ZNF341: variants seen among roughly 807,000 people sequenced by gnomAD.
ZNF341 encodes the protein zinc finger protein 341.
In ZNF341, 52 loss-of-function variants were observed where a neutral mutation model predicts 87.7. That is an observed-to-expected ratio of 0.59 (90% CI 0.47 to 0.75). ZNF341 has a LOEUF of 0.75. ZNF341 is among the 30% of genes least tolerant of loss of function. ZNF341 has a pLI of 0.00. For missense variants in ZNF341, 977 were observed against 1,145.9 expected, an observed-to-expected ratio of 0.85 and a Z score of 2.13; for synonymous variants, 459 against 472.7, an observed-to-expected ratio of 0.97 and a Z score of 0.38.
chr20:33,744,697 T>C (rs2018878899), intron 2 of ZNF341, among the ~76,000 whole-genome samples: 1 of 151,878 alleles, frequency 6.6e-6, no homozygotes, highest in African/African-American at 2.4e-5. Context: ...GTTCAAGCAA[T>C]TCTCCTGCCT....
At chr20:33,735,624 T>C (rs1009746120) in intron 1 of ZNF341, among the ~76,000 whole-genome samples, 3 of 152,222 alleles carry the variant, frequency 2.0e-5, no homozygotes, top group Admixed American at 6.5e-5. Flanking sequence ...ACCCTGCATT[T>C]GTTTAAATTT....
chr20:33,740,084 G>A (rs1010694352), intron 1 of ZNF341, among the ~76,000 whole-genome samples: 1 of 152,140 alleles, frequency 6.6e-6, no homozygotes, highest in Non-Finnish European at 1.5e-5. Context: ...GGATGGTCTC[G>A]AACTCCTGAC....
chr20:33,762,671 G>T (rs1601259772), intron 8 of ZNF341, among the ~76,000 whole-genome samples: 1 of 151,994 alleles, frequency 6.6e-6, no homozygotes, highest in African/African-American at 2.4e-5. Context: ...TTGTCCTAAG[G>T]CTCTCTCTCC....
intron 1 of ZNF341, among the ~76,000 whole-genome samples, chr20:33,738,876 C>T (rs760134915): frequency 6.6e-5 from 10 of 152,162 alleles, no homozygotes; most frequent in South Asian, 2.1e-4. Flanking sequence ...GGGAGGGCTG[C>T]GCTGGCAGCG....
At chr20:33,759,604 T>G (rs1485710272) in intron 7 of ZNF341, among the ~76,000 whole-genome samples, 1 of 152,104 alleles carries the variant, frequency 6.6e-6, no homozygotes, top group Non-Finnish European at 1.5e-5. Context: ...TTTTTGGTGG[T>G]TCATGAATAT....
chr20:33,758,952 G>T, intron 7 of ZNF341, 146 bp downstream of exon 7: 1 of 678,620 alleles, frequency 1.5e-6, no homozygotes. Context: ...AGGTCGGGTG[G>T]TTTTCCCTCT....
At chr20:33,745,329 C>T in intron 3 of ZNF341, 30 bp downstream of exon 3, 2 of 1,597,298 alleles carry the variant, frequency 1.3e-6, no homozygotes, top group Non-Finnish European at 1.7e-6. Context: ...TTCAACATGT[C>T]TTTTTTGAGG....
At chr20:33,786,762 G>GT in intron 12 of ZNF341, among the ~76,000 whole-genome samples, 1 of 151,472 alleles carries the variant, frequency 6.6e-6, no homozygotes, top group South Asian at 2.1e-4. Context: ...TAGGTCAAGA[G>GT]TTTGAGACCA....
chr20:33,758,708 T>C lies in ZNF341; in HGVS notation c.938-8T>C. 6.2e-7 allele frequency: 1 copy of C among 1,612,316 alleles called. No individual in the cohort carries two copies. The highest frequency in any genetic ancestry group is 8.5e-7 in the Non-Finnish European group (1 of 1,179,118). ...CCTCATTGTCCCCTCCTTCCACTTG[T>C]CTTTCAGCTGCAGGGAAGCCAAAGG... On this transcript the variant is annotated splice_region_variant and splice_polypyrimidine_tract_variant and intron_variant, in intron 6 of 14. Transcript: ENST00000375200.
intron 2 of ZNF341, among the ~76,000 whole-genome samples, chr20:33,741,474 G>A (rs949514836): frequency 4.6e-5 from 7 of 151,702 alleles, no homozygotes; most frequent in African/African-American, 1.7e-4. Context: ...CACGATCTTG[G>A]CTCACTGCAA....
intron 8 of ZNF341, among the ~76,000 whole-genome samples, chr20:33,766,282 C>A (rs535838790): frequency 3.9e-5 from 6 of 152,016 alleles, no homozygotes; most frequent in Non-Finnish European, 8.8e-5. Context: ...GCAGCCTCCG[C>A]CTCCCAGGTT....
chr20:33,752,656 T>C (rs531572704), intron 4 of ZNF341: 814 of 215,290 alleles, frequency 3.8e-3, no homozygotes, highest in Middle Eastern at 0.012. Context: ...TCTTTTCTTT[T>C]TTTTTTTTTT....
chr20:33,778,766 C>T (rs2019678440), intron 10 of ZNF341, among the ~76,000 whole-genome samples: 1 of 152,260 alleles, frequency 6.6e-6, no homozygotes, highest in African/African-American at 2.4e-5. Flanking sequence ...AATTGTTCAC[C>T]TACCTGTGAC....
chr20:33,766,527 G>A (rs976268596), intron 8 of ZNF341, among the ~76,000 whole-genome samples: 2 of 152,136 alleles, frequency 1.3e-5, no homozygotes, highest in African/African-American at 4.8e-5. Context: ...GGACTGGGGA[G>A]GCATTAGGAG....
intron 12 of ZNF341, among the ~76,000 whole-genome samples, chr20:33,785,857 T>C (rs1401996183): frequency 6.6e-6 from 1 of 152,138 alleles, no homozygotes; most frequent in Non-Finnish European, 1.5e-5. Flanking sequence ...CTTGGCGATG[T>C]TCCCCAAGGA....
intron 1 of ZNF341, among the ~76,000 whole-genome samples, chr20:33,738,437 G>A (rs145924550): frequency 1.1e-3 from 160 of 152,278 alleles, no homozygotes; most frequent in African/African-American, 3.7e-3. Flanking sequence ...CTTCACAAAG[G>A]AGGGTTAGTT....
chr20:33,761,868 C>A lies in ZNF341; in HGVS notation c.1035C>A (p.Thr345=). ...ACAAGCTTGTCTTCCACAGCCACAC[C>A]GGTGAGAAGCCCTTCCAGTGCATTG... is the stretch of plus-strand genomic sequence containing the variant. The part of the protein sequence containing the change: ...FDLQQHIRSH[T]GEKPFQCIAC... Residue 345 remains threonine, a synonymous_variant, in exon 8 of 15, where the codon ACC becomes ACA. Transcript: ENST00000375200. 1 of 1,541,964 alleles carries A rather than the reference C, an allele frequency of 6.5e-7. No homozygotes were observed. Among genetic ancestry groups the A allele is most frequent in the Non-Finnish European group, 8.8e-7 (1 of 1,130,150 alleles).
intron 2 of ZNF341, among the ~76,000 whole-genome samples, chr20:33,742,531 G>T (rs1009343812): frequency 6.6e-6 from 1 of 151,928 alleles, no homozygotes; most frequent in Non-Finnish European, 1.5e-5. Context: ...GGCCTGGCTG[G>T]TCTCGAACTC....
chr20:33,741,250 G>T (rs1268005390), intron 2 of ZNF341, among the ~76,000 whole-genome samples: 4 of 152,176 alleles, frequency 2.6e-5, no homozygotes, highest in Non-Finnish European at 5.9e-5. Flanking sequence ...GGATCAAGAT[G>T]CAGGGAATGG....
Sources: allele counts gnomAD v4.1 joint callset (sites outside exome capture counted in the v4.1 genomes callset), GRCh38; gene constraint gnomAD v4.1.1; transcripts MANE v1.5; gene names NCBI Gene and HGNC (gene_info 2026-07-23, HGNC 2026-07-21).